The following LARP4B variants were observed in gnomAD, a reference collection of about 807,000 sequenced individuals.
The protein encoded by LARP4B is la-related protein 4B.
A neutral mutation model predicts 89.8 loss-of-function variants in LARP4B; 12 were observed. The ratio of observed to expected loss-of-function variants is 0.13; its 90% CI spans 0.09 to 0.22. The LOEUF is 0.22. LARP4B is among the 10% of genes least tolerant of loss of function. The pLI is 1.00. For synonymous variants in LARP4B, 367 were observed against 363.3 expected, an observed-to-expected ratio of 1.01 and a Z score of -0.12; for missense variants, 757 against 947.7, an observed-to-expected ratio of 0.80 and a Z score of 2.64.
the LARP4B span, chr10:986,353 T>G: frequency 5.9e-5 from 9 of 152,246 alleles, no homozygotes; most frequent in Admixed American, 5.9e-4. Context: ...AGTCAGGAAC[T>G]GGCAATGTGC....
At chr10:897,485 T>C (rs1209256848) in intron 1 of LARP4B, among the ~76,000 whole-genome samples, 1 of 152,040 alleles carries the variant, frequency 6.6e-6, no homozygotes, top group Non-Finnish European at 1.5e-5. Context: ...ATTATGACAC[T>C]AAAAGTATAA....
chr10:958,519 G>T, the LARP4B span, among the ~76,000 whole-genome samples: 2 of 152,320 alleles, frequency 1.3e-5, no homozygotes, highest in South Asian at 4.1e-4. Context: ...GCCTTGCTGG[G>T]GATGTTGGTG....
In LARP4B at chr10:829,532, G is replaced by C; in HGVS notation, c.978C>G (p.Pro326=). Residue 326 remains proline, a synonymous_variant, in exon 11 of 18, where the codon CCC becomes CCG. Transcript: ENST00000316157. ...NTFLPKNGFR[P]LDVSLYAQQR... ...GCTGGGCATACAGGCTCACGTCCAGGGGTCTAAATCCATTCTTTGGCAAAA... is the reference window on the plus strand; with the variant it reads ...GCTGGGCATACAGGCTCACGTCCAGCGGTCTAAATCCATTCTTTGGCAAAA... 1 of 1,614,092 alleles carries C rather than the reference G, an allele frequency of 6.2e-7. No individual in the cohort carries two copies. Among genetic ancestry groups the C allele is most frequent in the Non-Finnish European group, 8.5e-7 (1 of 1,180,020 alleles).
intron 1 of LARP4B, among the ~76,000 whole-genome samples, chr10:929,982 C>A (rs1837254618): frequency 6.6e-6 from 1 of 151,968 alleles, no homozygotes; most frequent in African/African-American, 2.4e-5. Flanking sequence ...TGCCTTTCAG[C>A]ATATTAAATA....
At chr10:836,229 C>A (rs1018645516) in intron 8 of LARP4B, among the ~76,000 whole-genome samples, 174 bp downstream of exon 8, 1 of 152,098 alleles carries the variant, frequency 6.6e-6, no homozygotes, top group Non-Finnish European at 1.5e-5. Flanking sequence ...GTTTGGTTAT[C>A]ATTCCCTCCT....
At chr10:840,074 C>T (rs975227072) in intron 7 of LARP4B, among the ~76,000 whole-genome samples, 7 of 150,884 alleles carry the variant, frequency 4.6e-5, no homozygotes, top group East Asian at 2.0e-4. Flanking sequence ...CAAGCTAATC[C>T]GTAGTGACAG....
At chr10:961,727 G>T in the LARP4B span, among the ~76,000 whole-genome samples, 2 of 152,270 alleles carry the variant, frequency 1.3e-5, no homozygotes, top group African/African-American at 4.8e-5. Context: ...GAGGGGGCAG[G>T]CACCAGGCTC....
the LARP4B span, among the ~76,000 whole-genome samples, chr10:984,567 T>C: frequency 6.6e-6 from 1 of 152,330 alleles, no homozygotes; most frequent in East Asian, 1.9e-4. Context: ...CCTGTCATGA[T>C]CCACGCACAG....
chr10:927,676 A>G (rs1837182733), intron 1 of LARP4B, among the ~76,000 whole-genome samples: 1 of 152,264 alleles, frequency 6.6e-6, no homozygotes, highest in Non-Finnish European at 1.5e-5. Context: ...AAGTTCTACA[A>G]AAGAGCATAA....
the LARP4B span, among the ~76,000 whole-genome samples, chr10:969,160 C>T: frequency 6.6e-6 from 1 of 152,132 alleles, no homozygotes; most frequent in Non-Finnish European, 1.5e-5. Context: ...TTCAGGCAAA[C>T]ACGAAAGATC....
In LARP4B at chr10:812,941, G is replaced by C; in HGVS notation, c.2202C>G (p.Pro734=). 1 of 1,546,700 alleles carries C rather than the reference G, an allele frequency of 6.5e-7. No homozygotes were observed. Among genetic ancestry groups the C allele is most frequent in the Non-Finnish European group, 8.7e-7 (1 of 1,155,436 alleles). The change falls in exon 18 of 18, where the codon CCC becomes CCG. Residue 734 remains proline, a synonymous_variant. Transcript: ENST00000316157. ...KRLSREQSTP[P]KSPQ is the part of the protein sequence containing the mutation. ...CGTACGGTTTTCACTGAGGAGACTT[G>C]GGGGGAGTGCTCTGCTCTCGGCTGA...
In LARP4B at chr10:825,176, C is replaced by T; in HGVS notation, c.1373G>A (p.Gly458Asp). 1 of 1,614,194 alleles carries T rather than the reference C, an allele frequency of 6.2e-7. No homozygotes were observed. Among genetic ancestry groups the T allele is most frequent in the Non-Finnish European group, 8.5e-7 (1 of 1,180,042 alleles). ...GVRSPQTRQAGQTRTRIQNPS... is the reference protein window; with the variant it reads ...GVRSPQTRQADQTRTRIQNPS... Reference sequence around the variant, plus strand: ...GTTTTGAATCCGTGTTCTAGTTTGACCTGCTTGCCTTGTTTGTGGACTCCG... The same window carrying T: ...GTTTTGAATCCGTGTTCTAGTTTGATCTGCTTGCCTTGTTTGTGGACTCCG... The change falls in exon 13 of 18, where the codon GGT becomes GAT. Residue 458 changes from glycine to aspartate, a missense_variant. Gly to Asp is a moderately conservative substitution (Grantham distance 94). This residue lies in a region of LARP4B where 387 missense variants were observed against 423.6 expected (regional missense o/e 0.91). Coordinates refer to ENST00000316157, the MANE Select transcript of LARP4B (RefSeq NM_015155.3).
At chr10:869,366 A>T (rs1214830419) in intron 3 of LARP4B, among the ~76,000 whole-genome samples, 1 of 152,206 alleles carries the variant, frequency 6.6e-6, no homozygotes, top group Non-Finnish European at 1.5e-5. Flanking sequence ...GGCCAGGAAG[A>T]CAGAAGAGCT....
intron 1 of LARP4B, among the ~76,000 whole-genome samples, chr10:902,113 T>C (rs1169792949): frequency 6.6e-6 from 1 of 152,208 alleles, no homozygotes; most frequent in Non-Finnish European, 1.5e-5. Flanking sequence ...AAAGACCATT[T>C]TAGCTAGGAT....
At position 859,276 on chromosome 10, in the gene LARP4B, C is replaced by CAAA. The variant is rs56896752; in HGVS notation, c.430+4464_430+4466dup. 3.7e-3 allele frequency among the ~76,000 whole-genome samples: 525 copies of CAAA among 141,438 alleles called. 4 individuals carry two copies. The highest frequency in any genetic ancestry group is 0.012 in the African/African-American group (476 of 38,312). 92.8% of individuals were successfully genotyped at this position (141,438 alleles called of 152,430 possible). A position where few individuals can be genotyped will look rare whatever the true frequency, so the allele number is the denominator to read the frequency against. ...CCTGGGCAACAGAATTATTCCATTT[C>CAAA]AAAAAAAAAAAAAAATCAGAAAATA... On this transcript the variant is annotated intron_variant, in intron 5 of 17. Coordinates refer to ENST00000316157, the MANE Select transcript of LARP4B (RefSeq NM_015155.3).
chr10:982,592 A>T, the LARP4B span, among the ~76,000 whole-genome samples: 1 of 152,248 alleles, frequency 6.6e-6, no homozygotes, highest in African/African-American at 2.4e-5. Flanking sequence ...GTTTTTACAT[A>T]TATACTTCTA....
intron 14 of LARP4B, chr10:818,176 CG>C: frequency 3.5e-6 from 1 of 285,908 alleles, no homozygotes; most frequent in Non-Finnish European, 6.6e-6. Flanking sequence ...CCAGCACTCA[CG>C]AACAGCAGGG....
At chr10:848,000 A>T (rs1413263850) in intron 5 of LARP4B, among the ~76,000 whole-genome samples, 1 of 152,234 alleles carries the variant, frequency 6.6e-6, no homozygotes, top group African/African-American at 2.4e-5. Context: ...AGACAGCAGG[A>T]GGAGCTCCAG....
chr10:824,821 G>A (rs1341547764), intron 13 of LARP4B, among the ~76,000 whole-genome samples: 1 of 151,774 alleles, frequency 6.6e-6, no homozygotes, highest in African/African-American at 2.4e-5. Flanking sequence ...GGAGTCTATG[G>A]CTATTGAGCT....
Sources: gnomAD v4.1 joint callset for allele counts (sites outside exome capture counted in the v4.1 genomes callset) on GRCh38, gnomAD v4.1.1 for gene constraint, gnomAD v4.1.1 regional missense constraint, MANE v1.5 for transcripts, NCBI Gene and HGNC (gene_info 2026-07-23, HGNC 2026-07-21) for gene names.